Variants in KSR1 observed in about 807,000 individuals in gnomAD.
KSR1 encodes the protein kinase suppressor of ras.
In KSR1, 35 loss-of-function variants were observed where a neutral mutation model predicts 92.9. The observed-to-expected ratio is 0.38, with a 90% CI of 0.29 to 0.50. KSR1 has a LOEUF of 0.50. Ranked by LOEUF, KSR1 falls within the 20% of genes least tolerant of loss-of-function variation. KSR1 has a pLI of 0.94. For synonymous variants in KSR1, 467 were observed against 472.6 expected (o/e 0.99, Z 0.15); for missense variants, 972 against 1,158.5 (o/e 0.84, Z 2.34).
chr17:27,590,093 A>G (rs2073111086), intron 6 of KSR1, among the ~76,000 whole-genome samples: 1 of 152,258 alleles, frequency 6.6e-6, no homozygotes, highest in Non-Finnish European at 1.5e-5. Flanking sequence ...ACACCTGTGT[A>G]TACCATCCAG....
intron 1 of KSR1, among the ~76,000 whole-genome samples, chr17:27,548,150 C>T (rs2071252421): frequency 6.7e-6 from 1 of 149,902 alleles, no homozygotes; most frequent in African/African-American, 2.5e-5. Flanking sequence ...AATCCCAGGA[C>T]TTTGAGAGGC....
chr17:27,583,110 G>A lies in KSR1; in HGVS notation c.980+5G>A. ...TGATGACGTCTCCTCGATGAGGTGA[G>A]TGCTCCTTCTGGGCAGCTACCAAAA... is the stretch of plus-strand genomic sequence containing the variant. On this transcript the variant is annotated splice_donor_5th_base_variant and intron_variant, in intron 4 of 20. Coordinates refer to ENST00000644974, the MANE Select transcript of KSR1 (RefSeq NM_001394583.1). 14 of 1,527,734 alleles carry A rather than the reference G, an allele frequency of 9.2e-6. No individual in the cohort carries two copies. The highest frequency in any genetic ancestry group is 3.9e-5 in the South Asian group (3 of 77,352). The allele number at this position is 1,527,734 out of a possible 1,614,324, so 94.6% of individuals were successfully genotyped here.
intron 5 of KSR1, 105 bp downstream of exon 5, chr17:27,585,766 C>T: frequency 2.8e-6 from 2 of 718,308 alleles, no homozygotes; most frequent in South Asian, 3.0e-5. Context: ...GCCCGTTCAG[C>T]CTCTCCATAG....
chr17:27,472,870 G>T (rs1322176978), intron 1 of KSR1, among the ~76,000 whole-genome samples: 3 of 152,258 alleles, frequency 2.0e-5, no homozygotes, highest in African/African-American at 7.2e-5. Flanking sequence ...AATAACTCAG[G>T]GCCCTATCCC....
intron 1 of KSR1, among the ~76,000 whole-genome samples, chr17:27,547,580 AAAG>A (rs2071224527): frequency 6.6e-6 from 1 of 152,198 alleles, no homozygotes; most frequent in African/African-American, 2.4e-5. Context: ...ATACTTTAAT[AAAG>A]AAGCTTTTAT....
rs77309015 is a variant in KSR1 at position 27,485,846 on chromosome 17, T to C, written c.231+28972T>C. ...ACTTAACCCCAAAACCTTGATTTCC[T>C]TTTTTGTAAAATGCATCTCTCCCAC... On this transcript the variant is annotated intron_variant, in intron 1 of 20. Transcript: ENST00000644974. Among the ~76,000 whole-genome samples the C allele has an allele frequency of 1.2e-4, 19 of 152,314 alleles. No individual in the cohort carries two copies. The East Asian group carries it at 3.7e-3, about 29-fold the overall frequency.
At chr17:27,526,726 C>T in intron 1 of KSR1, 2 of 1,336,018 alleles carry the variant, frequency 1.5e-6, no homozygotes, top group South Asian at 2.4e-5. Flanking sequence ...GAGAGGTCCT[C>T]TCACGTGTTG....
At chr17:27,613,366 G>A (rs994560909) in intron 18 of KSR1, 2 of 152,166 alleles carry the variant, frequency 1.3e-5, no homozygotes, top group Admixed American at 6.5e-5. Flanking sequence ...TTAGGCATGC[G>A]GACACATTGA....
At chr17:27,511,335 T>A (rs2069592154) in intron 1 of KSR1, among the ~76,000 whole-genome samples, 1 of 152,146 alleles carries the variant, frequency 6.6e-6, no homozygotes, top group Non-Finnish European at 1.5e-5. Flanking sequence ...GGAGGTGCAC[T>A]TGCTCACCAG....
intron 4 of KSR1, 74 bp downstream of exon 4, chr17:27,583,179 C>A: frequency 9.5e-7 from 1 of 1,048,548 alleles, no homozygotes; most frequent in Non-Finnish European, 1.4e-6. Context: ...ATGGAAGGAC[C>A]AATAAAATCA....
intron 1 of KSR1, among the ~76,000 whole-genome samples, chr17:27,548,867 A>G (rs577427249): frequency 6.6e-6 from 1 of 152,228 alleles, no homozygotes; most frequent in African/African-American, 2.4e-5. Flanking sequence ...CAGGCTGAGT[A>G]TCCCTTGTTT....
At chr17:27,543,658 T>TGGCAGATGA (rs1420612925) in intron 1 of KSR1, among the ~76,000 whole-genome samples, 1 of 152,146 alleles carries the variant, frequency 6.6e-6, no homozygotes. Context: ...GCAGCTGGGG[T>TGGCAGATGA]GGCAGATGAC....
At chr17:27,619,118 C>T (rs1365692051) in intron 19 of KSR1, among the ~76,000 whole-genome samples, 2 of 152,120 alleles carry the variant, frequency 1.3e-5, no homozygotes, top group Non-Finnish European at 2.9e-5. Flanking sequence ...CTTTCTGCCA[C>T]CCGCTGCCAA....
intron 1 of KSR1, among the ~76,000 whole-genome samples, chr17:27,514,889 T>C (rs1411014126): frequency 6.6e-6 from 1 of 152,212 alleles, no homozygotes. Context: ...GTCAACTGCC[T>C]CTTATCCATT....
chr17:27,617,229 A>AC, intron 18 of KSR1, 66 bp from the exon 19 acceptor site: 1 of 1,484,056 alleles, frequency 6.7e-7, no homozygotes, highest in Non-Finnish European at 9.1e-7. Context: ...TTTGTGGAGC[A>AC]CCCCTACTGT....
chr17:27,590,771 C>T (rs1250376863), intron 6 of KSR1, 40 bp from the exon 7 acceptor site: 3 of 1,578,834 alleles, frequency 1.9e-6, no homozygotes, highest in African/African-American at 1.3e-5. Flanking sequence ...CCTTGGCCTC[C>T]CAGCTGGTGC....
rs2074326538 is a variant in KSR1 at position 27,625,716 on chromosome 17, A to G, written c.*2324A>G. 1 of 152,202 alleles carries G rather than the reference A, an allele frequency of 6.6e-6. No homozygotes were observed. The highest frequency in any genetic ancestry group is 2.4e-5 in the African/African-American group (1 of 41,426). 9.4% of individuals were successfully genotyped at this position (152,202 alleles called of 1,614,324 possible). ...GCTCTCTCCACACGAAGGATGACAG[A>G]TACTGTGAATTCAGCCCTCACGGCC... On this transcript the variant is annotated 3_prime_UTR_variant, in exon 21 of 21. Transcript: ENST00000644974.
rs768634749 is a variant in KSR1 at position 27,603,854 on chromosome 17, G to T, written c.1531G>T (p.Ala511Ser). 1 of 1,613,926 alleles carries T rather than the reference G, an allele frequency of 6.2e-7. No individual in the cohort carries two copies. The highest frequency in any genetic ancestry group is 8.5e-7 in the Non-Finnish European group (1 of 1,179,850). ...IFPDISAFAH[A>S]APLPEAADGT... ...TCCAGACATTTCAGCCTTTGCACAC[G>T]CAGCCCCGCTCCCTGAAGCTGCCGA... The change falls in exon 12 of 21, where the codon GCA (alanine) becomes TCA (serine). Residue 511 changes from alanine (A) to serine (S), a missense_variant. Coordinates refer to ENST00000644974, the MANE Select transcript of KSR1 (RefSeq NM_001394583.1).
intron 1 of KSR1, among the ~76,000 whole-genome samples, chr17:27,506,600 C>T (rs930739110): frequency 6.6e-6 from 1 of 152,170 alleles, no homozygotes; most frequent in Non-Finnish European, 1.5e-5. Context: ...CTGGGAGTCC[C>T]CTGGAGTCTT....
Sources: allele counts gnomAD v4.1 joint callset (sites outside exome capture counted in the v4.1 genomes callset), GRCh38; gene constraint gnomAD v4.1.1; transcripts MANE v1.5; gene names NCBI Gene and HGNC (gene_info 2026-07-23, HGNC 2026-07-21).